INO80D: variants seen among roughly 807,000 people sequenced by gnomAD.
INO80D encodes INO80 complex subunit D.
Under a neutral mutation model 87.6 loss-of-function variants are expected in INO80D, and 21 were observed. The ratio of observed to expected loss-of-function variants is 0.24; its 90% CI spans 0.17 to 0.35. INO80D has a LOEUF of 0.35. INO80D is among the 10% of genes least tolerant of loss of function. The probability of loss-of-function intolerance (pLI) is 1.00; values close to 1 mark genes in which losing one functional copy is unlikely to be tolerated. For missense variants in INO80D, 982 were observed against 1,280.7 expected, an observed-to-expected ratio of 0.77 and a Z score of 3.56; for synonymous variants, 440 against 491.0, an observed-to-expected ratio of 0.90 and a Z score of 1.37.
At chr2:206,008,282 CTTTT>C (rs376619981) in intron 9 of INO80D, among the ~76,000 whole-genome samples, 1 of 121,194 alleles carries the variant, frequency 8.3e-6, no homozygotes, top group Non-Finnish European at 1.7e-5. Context: ...CCATGCCTTG[CTTTT>C]TTTTTTTTTT....
Position 206,085,779 on chromosome 2 carries a change from T to C in INO80D, c.-124+122A>G, listed in dbSNP as rs1438716917. On this transcript the variant is annotated intron_variant, in intron 1 of 10. Transcript: ENST00000403263. This position sits in a 1 kb window ranked among gnomAD's most constrained non-coding sequence, Gnocchi z 4.5. ...TTCATTCTCCGCCCGGGGCCTGGCG[T>C]GGGCCGGCGAATCCCCGGCCTCACG... 1.3e-5 allele frequency: 2 copies of C among 151,200 alleles called. No homozygotes were observed. The highest frequency in any genetic ancestry group is 4.9e-5 in the African/African-American group (2 of 41,218). 9.4% of individuals were successfully genotyped at this position (151,200 alleles called of 1,614,324 possible).
At position 206,004,917 on chromosome 2, in the gene INO80D, A is replaced by C. The variant is rs766298529; in HGVS notation, c.2535T>G (p.Ser845=). 1 of 1,613,958 alleles carries C rather than the reference A, an allele frequency of 6.2e-7. No homozygotes were observed. The highest frequency in any genetic ancestry group is 8.5e-7 in the Non-Finnish European group (1 of 1,179,864). ...CACCAGAGTACGATGTTGTGTGGGG[A>C]GAGGTGATATGGTCACTGTAGGGAG... ...VPSPYSDHIT[S]PHTTSYSGDN... The change falls in exon 11 of 11, where the codon TCT becomes TCG. Residue 845 remains serine, a synonymous_variant. Transcript: ENST00000403263. This position sits in a 1 kb window ranked among gnomAD's most constrained non-coding sequence, Gnocchi z 4.9.
At position 206,006,576 on chromosome 2, in the gene INO80D, G is replaced by A. The variant is rs150035546; in HGVS notation, c.1918+708C>T. 3.6e-3 allele frequency among the ~76,000 whole-genome samples: 548 copies of A among 151,920 alleles called. 7 individuals are homozygous for A. Among genetic ancestry groups the A allele is most frequent in the African/African-American group, 0.013 (518 of 41,406 alleles). ...CAGACACCTGTAATCCCAGCTACTC[G>A]GGAGGCTGAGGCAGGAGAATCGCTG... On this transcript the variant is annotated intron_variant, in intron 10 of 10. Coordinates refer to ENST00000403263, the MANE Select transcript of INO80D (RefSeq NM_017759.5).
rs1258663911 is a variant in INO80D at position 206,039,841 on chromosome 2, G to GA, written c.1073+6662dup. Among the ~76,000 whole-genome samples the GA allele has an allele frequency of 1.0e-4, 15 of 145,688 alleles. No homozygotes were observed. The East Asian group carries it at 2.8e-3, about 28-fold the overall frequency. ...AAAAAAAAAAAAAGAAAGAAAGAAAGAAAAAATATTATAATGGAATGTTAT... is the reference window on the plus strand; with the variant it reads ...AAAAAAAAAAAAAGAAAGAAAGAAAGAAAAAAATATTATAATGGAATGTTAT... On this transcript the variant is annotated intron_variant, in intron 5 of 10. Coordinates refer to ENST00000403263, the MANE Select transcript of INO80D (RefSeq NM_017759.5).
At chr2:206,043,353 G>A (rs1022384756) in intron 5 of INO80D, among the ~76,000 whole-genome samples, 1 of 152,052 alleles carries the variant, frequency 6.6e-6, no homozygotes, top group Non-Finnish European at 1.5e-5. Context: ...TGTGTTTTTA[G>A]TAGAGATGGG....
At position 206,004,822 on chromosome 2, in the gene INO80D, T is replaced by G; in HGVS notation, c.2630A>C (p.Glu877Ala). ...MAQHLLPTQLEVPLGGVVNPR... is the reference protein window; with the variant it reads ...MAQHLLPTQLAVPLGGVVNPR... ...GTTTACCACGCCTCCAAGTGGCACC[T>G]CAAGTTGGGTTGGGAGCAAGTGCTG... The change falls in exon 11 of 11, where the codon GAG becomes GCG. Residue 877 changes from glutamate to alanine, a missense_variant. Glu to Ala is a moderately radical substitution (Grantham distance 107). Coordinates refer to ENST00000403263, the MANE Select transcript of INO80D (RefSeq NM_017759.5). The surrounding 1 kb of genome is among the most constrained non-coding windows in gnomAD (Gnocchi z 4.9). 1 of 1,613,944 alleles carries G rather than the reference T, an allele frequency of 6.2e-7. No homozygotes were observed. Among genetic ancestry groups the G allele is most frequent in the Middle Eastern group, 1.6e-4 (1 of 6,062 alleles).
chr2:206,064,536 T>G (rs1328526073), intron 1 of INO80D, among the ~76,000 whole-genome samples: 1 of 152,242 alleles, frequency 6.6e-6, no homozygotes, highest in East Asian at 1.9e-4. Flanking sequence ...TGCCACTTGC[T>G]GTGTTACCTT....
Position 206,001,618 on chromosome 2 carries a change from C to T in INO80D, c.*2750G>A, listed in dbSNP as rs927125428. ...TAATAGCAAAGTTCCTACTAATAGA[C>T]GAGAATGGCTCTATTAAGTAAAAGA... is the stretch of plus-strand genomic sequence containing the variant. On this transcript the variant is annotated 3_prime_UTR_variant, in exon 11 of 11. Transcript: ENST00000403263. 3 of 152,224 alleles carry T rather than the reference C, an allele frequency of 2.0e-5. No individual in the cohort carries two copies. The highest frequency in any genetic ancestry group is 2.1e-4 in the South Asian group (1 of 4,828). The allele number at this position is 152,224 out of a possible 1,614,324, so 9.4% of individuals were successfully genotyped here. A position where few individuals can be genotyped will look rare whatever the true frequency, so the allele number is the denominator to read the frequency against.
At chr2:206,078,674 C>T (rs921344775) in intron 1 of INO80D, among the ~76,000 whole-genome samples, 12 of 151,958 alleles carry the variant, frequency 7.9e-5, no homozygotes, top group African/African-American at 2.7e-4. Context: ...CAGCCAGGCG[C>T]GGTGGCTCAC....
chr2:206,078,215 C>G (rs1440088142), intron 1 of INO80D, among the ~76,000 whole-genome samples: 1 of 152,024 alleles, frequency 6.6e-6, no homozygotes, highest in Non-Finnish European at 1.5e-5. Flanking sequence ...GTCAGGAGTT[C>G]AAGACCAGCC....
In INO80D at chr2:205,996,655, TATAG is replaced by T. The variant is rs763410505; in HGVS notation, c.*7709_*7712del. On this transcript the variant is annotated 3_prime_UTR_variant, in exon 11 of 11. Coordinates refer to ENST00000403263, the MANE Select transcript of INO80D (RefSeq NM_017759.5). ...ACACACACATATACATACGTGTATATATAGATTTATACAAATGTATAAATAAACA... is the reference window on the plus strand; with the variant it reads ...ACACACACATATACATACGTGTATATATTTATACAAATGTATAAATAAACA... 1.3e-5 allele frequency: 2 copies of T among 152,080 alleles called. No individual in the cohort carries two copies. Among genetic ancestry groups the T allele is most frequent in the Non-Finnish European group, 2.9e-5 (2 of 67,950 alleles). The allele number at this position is 152,080 out of a possible 1,614,324, so 9.4% of individuals were successfully genotyped here. A position where few individuals can be genotyped will look rare whatever the true frequency, so the allele number is the denominator to read the frequency against.
chr2:206,048,854 T>A (rs1351075026), intron 4 of INO80D, among the ~76,000 whole-genome samples: 2 of 152,212 alleles, frequency 1.3e-5, no homozygotes, highest in Non-Finnish European at 2.9e-5. Context: ...TGAGCCATGA[T>A]CATGTAACTG....
intron 5 of INO80D, among the ~76,000 whole-genome samples, chr2:206,037,599 C>A (rs2105848966): frequency 6.6e-6 from 1 of 152,232 alleles, no homozygotes; most frequent in Middle Eastern, 3.4e-3. Context: ...GAATGGCTAT[C>A]ATTAAAAAGA....
In INO80D at chr2:206,004,208, C is replaced by G. The variant is rs894909002; in HGVS notation, c.*160G>C. 1 of 668,016 alleles carries G rather than the reference C, an allele frequency of 1.5e-6. No individual in the cohort carries two copies. The highest frequency in any genetic ancestry group is 2.8e-5 in the Admixed American group (1 of 36,118). The allele number at this position is 668,016 out of a possible 1,614,324, so 41.4% of individuals were successfully genotyped here. A position where few individuals can be genotyped will look rare whatever the true frequency, so the allele number is the denominator to read the frequency against. On this transcript the variant is annotated 3_prime_UTR_variant, in exon 11 of 11. Coordinates refer to ENST00000403263, the MANE Select transcript of INO80D (RefSeq NM_017759.5). This position sits in a 1 kb window ranked among gnomAD's most constrained non-coding sequence, Gnocchi z 4.9. ...TAAGGAGCACATGTGAACACTGTAG[C>G]GAGGTCCACTGCAGGGCCACTCATT...
At chr2:206,036,089 A>G (rs1458041170) in intron 5 of INO80D, among the ~76,000 whole-genome samples, 1 of 152,192 alleles carries the variant, frequency 6.6e-6, no homozygotes, top group Non-Finnish European at 1.5e-5. Context: ...ATCAAAAATC[A>G]GTAGATGTTG....
chr2:205,999,439 A>C lies in INO80D; in HGVS notation c.*4929T>G, dbSNP rs1244211003. The C allele has an allele frequency of 6.6e-6, 1 of 152,194 alleles. No individual in the cohort carries two copies. The highest frequency in any genetic ancestry group is 1.5e-5 in the Non-Finnish European group (1 of 68,026). The allele number at this position is 152,194 out of a possible 1,614,324, so 9.4% of individuals were successfully genotyped here. On this transcript the variant is annotated 3_prime_UTR_variant, in exon 11 of 11. Transcript: ENST00000403263. ...TAAAAACTGCTGTTCAAAGTAGCCA[A>C]ACATCCCCAGTATTGGGGAACATAG...
Position 206,085,477 on chromosome 2 carries a change from G to T in INO80D, c.-124+424C>A. On this transcript the variant is annotated intron_variant, in intron 1 of 10. Coordinates refer to ENST00000403263, the MANE Select transcript of INO80D (RefSeq NM_017759.5). This position sits in a 1 kb window ranked among gnomAD's most constrained non-coding sequence, Gnocchi z 4.5. ...CCGGCGCGGGATTCGGCCCAGCAGC[G>T]CCGCCGTCCCACCCGGAGACCCCGG... 1 of 151,162 alleles carries T rather than the reference G, an allele frequency of 6.6e-6. No individual in the cohort carries two copies. The highest frequency in any genetic ancestry group is 2.0e-4 in the East Asian group (1 of 5,102). 9.4% of individuals were successfully genotyped at this position (151,162 alleles called of 1,614,324 possible).
intron 6 of INO80D, among the ~76,000 whole-genome samples, chr2:206,020,803 T>C (rs1203821591): frequency 6.6e-6 from 1 of 152,118 alleles, no homozygotes; most frequent in Admixed American, 6.5e-5. Flanking sequence ...TTTATTAGTC[T>C]GCAGATCCTT....
At position 206,005,540 on chromosome 2, in the gene INO80D, C is replaced by A; in HGVS notation, c.1919-7G>T. On this transcript the variant is annotated splice_region_variant and splice_polypyrimidine_tract_variant and intron_variant, in intron 10 of 10. Coordinates refer to ENST00000403263, the MANE Select transcript of INO80D (RefSeq NM_017759.5). ...AGGAGGTCTCCATTCTTCCCTGAGTCAACAAAAGCCATCGACAATCAGTAG... is the reference window on the plus strand; with the variant it reads ...AGGAGGTCTCCATTCTTCCCTGAGTAAACAAAAGCCATCGACAATCAGTAG... The A allele has an allele frequency of 1.9e-6, 3 of 1,601,072 alleles. No homozygotes were observed. In the South Asian group the frequency reaches 3.3e-5, roughly 18 times the overall value.
Sources: gnomAD v4.1 joint callset for allele counts (sites outside exome capture counted in the v4.1 genomes callset) on GRCh38, gnomAD v4.1.1 for gene constraint, Gnocchi (gnomAD v3.1) non-coding constraint, MANE v1.5 for transcripts, NCBI Gene and HGNC (gene_info 2026-07-23, HGNC 2026-07-21) for gene names.